Variants in CDIN1 observed in about 807,000 individuals in gnomAD.
CDIN1 encodes CDAN1 interacting nuclease 1.
A neutral mutation model predicts 45.3 loss-of-function variants in CDIN1; 33 were observed. The observed-to-expected ratio is 0.73, with a 90% CI of 0.55 to 0.97. The LOEUF (loss-of-function observed/expected upper bound fraction) is 0.97. Ranked by LOEUF, CDIN1 falls within the 50% of genes least tolerant of loss-of-function variation. The pLI, the probability that CDIN1 is intolerant of heterozygous loss-of-function variation, is 0.00. For synonymous variants in CDIN1, 118 were observed against 124.4 expected, an observed-to-expected ratio of 0.95 and a Z score of 0.34; for missense variants, 303 against 339.4, an observed-to-expected ratio of 0.89 and a Z score of 0.84.
intron 10 of CDIN1, among the ~76,000 whole-genome samples, chr15:36,749,278 C>G (rs2053392976): frequency 6.6e-6 from 1 of 152,150 alleles, no homozygotes; most frequent in Non-Finnish European, 1.5e-5. Flanking sequence ...CATTTGTATA[C>G]TGCATTATAA....
intron 5 of CDIN1, among the ~76,000 whole-genome samples, chr15:36,674,868 A>T (rs1157133768): frequency 6.6e-6 from 1 of 152,076 alleles, no homozygotes; most frequent in African/African-American, 2.4e-5. Context: ...TTTCTTGCTG[A>T]ACGGTAGTGC....
intron 5 of CDIN1, among the ~76,000 whole-genome samples, chr15:36,674,533 G>A (rs146679028): frequency 2.0e-5 from 3 of 152,224 alleles, no homozygotes; most frequent in East Asian, 1.9e-4. Flanking sequence ...GTTTGCCTTC[G>A]GGGATGTTTA....
At chr15:36,745,134 T>C (rs1373347959) in intron 10 of CDIN1, among the ~76,000 whole-genome samples, 1 of 152,180 alleles carries the variant, frequency 6.6e-6, no homozygotes, top group Non-Finnish European at 1.5e-5. Flanking sequence ...TGATAGATTA[T>C]AATAAAACTA....
intron 10 of CDIN1, among the ~76,000 whole-genome samples, chr15:36,736,511 G>A (rs891048147): frequency 2.0e-5 from 3 of 152,072 alleles, no homozygotes; most frequent in African/African-American, 7.2e-5. Flanking sequence ...ATAATGAGTT[G>A]GTTATACTCC....
At chr15:36,668,630 A>G (rs2041335903) in intron 5 of CDIN1, among the ~76,000 whole-genome samples, 1 of 152,154 alleles carries the variant, frequency 6.6e-6, no homozygotes, top group South Asian at 2.1e-4. Context: ...TAATGAATGT[A>G]AATCGACTGC....
rs574769994 is a variant in CDIN1, at chr15:36,726,767, T to C, written c.716+16806T>C. ...TATACAGCAAATCCATTTGAAATGA[T>C]AGAGAGAGGGTTAAGTCCTGAGTAC... On this transcript the variant is annotated intron_variant, in intron 10 of 10. Transcript: ENST00000566621. Among the ~76,000 whole-genome samples, 4 of 152,256 alleles carry C rather than the reference T, an allele frequency of 2.6e-5. No homozygotes were observed. The East Asian group carries it at 7.7e-4, about 29-fold the overall frequency.
At chr15:36,792,891 T>A (rs1015212998) in intron 10 of CDIN1, among the ~76,000 whole-genome samples, 3 of 152,128 alleles carry the variant, frequency 2.0e-5, no homozygotes, top group Non-Finnish European at 2.9e-5. Context: ...CCGGTCCTCA[T>A]CAGCCCCATT....
chr15:36,722,907 TCTC>T (rs1472705148), intron 10 of CDIN1, among the ~76,000 whole-genome samples: 2 of 152,026 alleles, frequency 1.3e-5, no homozygotes, highest in Non-Finnish European at 2.9e-5. Flanking sequence ...AAATTAAATT[TCTC>T]CTATGAATTC....
chr15:36,772,913 G>A (rs1228107749), intron 10 of CDIN1, among the ~76,000 whole-genome samples: 1 of 152,158 alleles, frequency 6.6e-6, no homozygotes, highest in East Asian at 1.9e-4. Context: ...AATAGATTCT[G>A]TTGCAAGAAA....
chr15:36,655,741 A>G (rs957622588), intron 4 of CDIN1, among the ~76,000 whole-genome samples: 3 of 152,238 alleles, frequency 2.0e-5, no homozygotes, highest in Non-Finnish European at 2.9e-5. Context: ...GAAAAAGAAG[A>G]ATAAGCTAGC....
intron 10 of CDIN1, among the ~76,000 whole-genome samples, chr15:36,797,978 T>TAAAAAAAA (rs1804475840): frequency 5.7e-5 from 5 of 87,176 alleles, no homozygotes; most frequent in South Asian, 4.2e-4. Flanking sequence ...AGACTCCATC[T>TAAAAAAAA]CAAAAAAAAA....
intron 10 of CDIN1, among the ~76,000 whole-genome samples, chr15:36,772,019 G>T (rs1484041395): frequency 6.6e-6 from 1 of 151,738 alleles, no homozygotes; most frequent in East Asian, 1.9e-4. Context: ...GCTGTTAAAA[G>T]AAATCTGTCA....
chr15:36,755,686 T>A (rs200354950), intron 10 of CDIN1, among the ~76,000 whole-genome samples: 3 of 147,760 alleles, frequency 2.0e-5, no homozygotes, highest in Non-Finnish European at 1.5e-5. Context: ...AGTGTTGGTT[T>A]AAAAAAAAAA....
At chr15:36,692,213 G>C (rs368036506) in intron 7 of CDIN1, 38 bp downstream of exon 7, 3 of 1,584,264 alleles carry the variant, frequency 1.9e-6, no homozygotes, top group African/African-American at 2.7e-5. Flanking sequence ...CGCAATTGAC[G>C]AGCTTAGACT....
At chr15:36,677,247 G>A (rs1363630282) in intron 5 of CDIN1, among the ~76,000 whole-genome samples, 2 of 151,832 alleles carry the variant, frequency 1.3e-5, no homozygotes, top group African/African-American at 4.9e-5. Context: ...CATTCTCAAA[G>A]GGGGTGAGAT....
chr15:36,645,973 T>C lies in CDIN1; in HGVS notation c.212+686T>C, dbSNP rs545210467. 1.4e-4 allele frequency among the ~76,000 whole-genome samples: 21 copies of C among 152,316 alleles called. No homozygotes were observed. In the East Asian group the frequency reaches 1.5e-3, roughly 11 times the overall value. Reference sequence around the variant, plus strand: ...GAAACAATATTTAAAATAGCTCTGTTTTTTTATTTTAAAATTTGTATTGTC... The same window carrying C: ...GAAACAATATTTAAAATAGCTCTGTCTTTTTATTTTAAAATTTGTATTGTC... On this transcript the variant is annotated intron_variant, in intron 3 of 10. Transcript: ENST00000566621.
chr15:36,705,418 A>C (rs1232839417), intron 8 of CDIN1: 1 of 152,172 alleles, frequency 6.6e-6, no homozygotes. Context: ...TCAAATTTAA[A>C]TATTTGCATA....
chr15:36,774,626 T>A (rs2054174364), intron 10 of CDIN1, among the ~76,000 whole-genome samples: 1 of 152,202 alleles, frequency 6.6e-6, no homozygotes, highest in Non-Finnish European at 1.5e-5. Context: ...TGAATCTGAT[T>A]CTGCTTTGAC....
intron 1 of CDIN1, among the ~76,000 whole-genome samples, chr15:36,612,907 TA>T (rs1566832873): frequency 6.6e-6 from 1 of 152,250 alleles, no homozygotes; most frequent in Non-Finnish European, 1.5e-5. Flanking sequence ...TATTTGTCGA[TA>T]TCTCTTAAAA....
Sources: gnomAD v4.1 joint callset for allele counts (sites outside exome capture counted in the v4.1 genomes callset) on GRCh38, gnomAD v4.1.1 for gene constraint, MANE v1.5 for transcripts, NCBI Gene and HGNC (gene_info 2026-07-23, HGNC 2026-07-21) for gene names.